The following INTS12 variants were observed in gnomAD, a reference collection of about 807,000 sequenced individuals.
The protein encoded by INTS12 is PHD finger protein 22.
A neutral mutation model predicts 41.6 loss-of-function variants in INTS12; 13 were observed. The observed-to-expected ratio is 0.31, with a 90% confidence interval of 0.20 to 0.50. The LOEUF (loss-of-function observed/expected upper bound fraction) is 0.50. INTS12 is among the 20% of genes least tolerant of loss of function. The pLI, the probability that INTS12 is intolerant of heterozygous loss-of-function variation, is 0.98. For synonymous variants in INTS12, 199 were observed against 191.4 expected, an observed-to-expected ratio of 1.04 and a Z score of -0.33; for missense variants, 432 against 541.6, an observed-to-expected ratio of 0.80 and a Z score of 2.01.
intron 1 of INTS12, among the ~76,000 whole-genome samples, 175 bp from the exon 2 acceptor site, chr4:105,703,984 C>T (rs979659117): frequency 3.9e-5 from 6 of 151,974 alleles, no homozygotes; most frequent in African/African-American, 1.4e-4. Context: ...CCCTCTTGAA[C>T]CTTGGCCTAT....
intron 1 of INTS12, 44 bp downstream of exon 1, chr4:105,708,594 G>A (rs1241701308): frequency 2.0e-5 from 20 of 985,028 alleles, no homozygotes; most frequent in Non-Finnish European, 2.4e-5. Flanking sequence ...CGGGGGTCTC[G>A]AGCCTCCAGG....
At chr4:105,687,349 T>A (rs1370878218) in intron 6 of INTS12, among the ~76,000 whole-genome samples, 1 of 152,134 alleles carries the variant, frequency 6.6e-6, no homozygotes, top group African/African-American at 2.4e-5. Context: ...TTTTTGAGGT[T>A]TTTCCACATT....
chr4:105,688,739 C>T (rs1341925901), intron 6 of INTS12, among the ~76,000 whole-genome samples: 1 of 152,192 alleles, frequency 6.6e-6, no homozygotes, highest in Non-Finnish European at 1.5e-5. Context: ...ACCCACCTAA[C>T]TTGTATGTTT....
chr4:105,686,628 C>T (rs1251627280), intron 7 of INTS12, 64 bp downstream of exon 7: 1 of 1,290,660 alleles, frequency 7.7e-7, no homozygotes, highest in East Asian at 2.4e-5. Flanking sequence ...TTTTATCAAG[C>T]AACTATTTTT....
intron 1 of INTS12, among the ~76,000 whole-genome samples, chr4:105,705,100 T>C (rs1046702921): frequency 2.0e-4 from 31 of 152,344 alleles, no homozygotes; most frequent in African/African-American, 7.2e-4. Flanking sequence ...CTTCAGGCCA[T>C]GCAGCAGGAG....
chr4:105,699,274 C>T (rs1028713893), intron 3 of INTS12, among the ~76,000 whole-genome samples: 5 of 152,150 alleles, frequency 3.3e-5, no homozygotes, highest in Non-Finnish European at 7.4e-5. Flanking sequence ...GATACGTTGT[C>T]TATTATCATC....
intron 7 of INTS12, among the ~76,000 whole-genome samples, chr4:105,684,015 G>C (rs1731417673): frequency 6.6e-6 from 1 of 152,160 alleles, no homozygotes; most frequent in Non-Finnish European, 1.5e-5. Context: ...AAACTATCAT[G>C]TAAGAGTCTC....
intron 3 of INTS12, among the ~76,000 whole-genome samples, chr4:105,696,936 C>T (rs769076212): frequency 6.6e-6 from 1 of 152,004 alleles, no homozygotes; most frequent in Non-Finnish European, 1.5e-5. Flanking sequence ...TTTAAATTTC[C>T]CCAGTAACTA....
intron 2 of INTS12, among the ~76,000 whole-genome samples, chr4:105,701,412 A>G (rs1386282292): frequency 1.3e-5 from 2 of 152,168 alleles, no homozygotes; most frequent in Non-Finnish European, 2.9e-5. Context: ...TATTTCTAAG[A>G]ATTTAACAAA....
intron 6 of INTS12, 42 bp from the exon 7 acceptor site, chr4:105,686,880 T>A (rs1166255856): frequency 6.4e-7 from 1 of 1,557,242 alleles, no homozygotes; most frequent in African/African-American, 1.4e-5. Flanking sequence ...AAATCTTAAC[T>A]GAATATACAG....
Position 105,693,347 on chromosome 4 carries a change from C to T in INTS12, c.449G>A (p.Ser150Asn). The change falls in exon 5 of 8, where the codon AGT becomes AAT. Residue 150 changes from serine to asparagine, a missense_variant. Ser to Asn is a conservative substitution (Grantham distance 46). Around this residue, in one of 3 missense-constraint regions of INTS12, gnomAD observed 168 missense variants for 198.9 expected, o/e 0.84. Transcript: ENST00000340139. ...MADLSSFEET[S>N]ADDFAMEMGL... ...CATCTCCATGGCAAAATCATCAGCA[C>T]TGGTCTCCTCAAAACTGGAAAGGTC... 1 of 1,613,716 alleles carries T rather than the reference C, an allele frequency of 6.2e-7. No individual in the cohort carries two copies. The highest frequency in any genetic ancestry group is 8.5e-7 in the Non-Finnish European group (1 of 1,179,706).
chr4:105,699,721 A>G (rs1425683669), intron 3 of INTS12, 129 bp downstream of exon 3: 2 of 709,136 alleles, frequency 2.8e-6, no homozygotes, highest in African/African-American at 3.6e-5. Context: ...GAAAATAAAG[A>G]ATATAATTTC....
intron 6 of INTS12, among the ~76,000 whole-genome samples, chr4:105,689,905 C>T (rs1220415431): frequency 9.2e-5 from 14 of 151,900 alleles, no homozygotes; most frequent in Admixed American, 9.2e-4. Context: ...GACCCTGTCT[C>T]AGAAAAAGAA....
Position 105,695,560 on chromosome 4 carries a change from T to C in INTS12, c.265A>G (p.Thr89Ala). Residue 89 changes from threonine to alanine, a missense_variant, in exon 4 of 8, where the codon ACT becomes GCT. Coordinates refer to ENST00000340139, the MANE Select transcript of INTS12 (RefSeq NM_020395.4). ...SGNNNGKVLT[T>A]EKVKKEAEKR... is the part of the protein sequence containing the mutation. Reference sequence around the variant, plus strand: ...TCAGCTTCCTTCTTTACCTTTTCAGTTGTGAGGACCTTGCCATTATTATTA... The same window carrying C: ...TCAGCTTCCTTCTTTACCTTTTCAGCTGTGAGGACCTTGCCATTATTATTA... The C allele has an allele frequency of 6.2e-7, 1 of 1,612,692 alleles. No homozygotes were observed. The highest frequency in any genetic ancestry group is 8.5e-7 in the Non-Finnish European group (1 of 1,179,466).
rs1045022908 is a variant in INTS12 at position 105,706,770 on chromosome 4, C to A, written c.-172+1868G>T. Among the ~76,000 whole-genome samples, 6 of 152,252 alleles carry A rather than the reference C, an allele frequency of 3.9e-5. No homozygotes were observed. The East Asian group carries it at 1.2e-3, about 29-fold the overall frequency. ...TCCCTACTCCTTATATTCAAATAAT[C>A]AGAATTCCTGTGGATTCTGACGGCA... On this transcript the variant is annotated intron_variant, in intron 1 of 7. Transcript: ENST00000340139.
rs186506809 is a variant in INTS12 at position 105,697,344 on chromosome 4, G to A, written c.157-1676C>T. 5.4e-3 allele frequency among the ~76,000 whole-genome samples: 825 copies of A among 152,240 alleles called. 3 individuals carry two copies. The highest frequency in any genetic ancestry group is 8.9e-3 in the Non-Finnish European group (606 of 68,018). ...AGCTGAGTGCAGTCTATTTTACTGT[G>A]ATAATATGTAAAAGTACAAAAGTAT... On this transcript the variant is annotated intron_variant, in intron 3 of 7. Coordinates refer to ENST00000340139, the MANE Select transcript of INTS12 (RefSeq NM_020395.4).
At chr4:105,695,878 T>A (rs1731845595) in intron 3 of INTS12, among the ~76,000 whole-genome samples, 1 of 152,200 alleles carries the variant, frequency 6.6e-6, no homozygotes, top group Non-Finnish European at 1.5e-5. Flanking sequence ...GGACAGAGTC[T>A]CACTCTGTTG....
chr4:105,693,214 T>C, intron 5 of INTS12, 85 bp downstream of exon 5: 1 of 1,124,222 alleles, frequency 8.9e-7, no homozygotes, highest in Non-Finnish European at 1.2e-6. Flanking sequence ...CACAACAATT[T>C]TTCTGATTTT....
In INTS12 at chr4:105,682,881, C is replaced by T. The variant is rs1295478966; in HGVS notation, c.1241G>A (p.Gly414Glu). The change falls in exon 8 of 8, where the codon GGA becomes GAA. Residue 414 changes from glycine (G) to glutamate (E), a missense_variant. Gly to Glu is a moderately conservative substitution (Grantham distance 98). Around this residue, in one of 3 missense-constraint regions of INTS12, gnomAD observed 258 missense variants for 309.9 expected, o/e 0.83. Transcript: ENST00000340139. ...NGNSGTSGPSGSTTSKTTSES... is the reference protein window; with the variant it reads ...NGNSGTSGPSESTTSKTTSES... Reference sequence around the variant, plus strand: ...TGAAGTAGTTTTGCTGGTAGTACTTCCACTAGGTCCTGATGTTCCACTATT... The same window carrying T: ...TGAAGTAGTTTTGCTGGTAGTACTTTCACTAGGTCCTGATGTTCCACTATT... 1.2e-6 allele frequency: 2 copies of T among 1,613,944 alleles called. No homozygotes were observed. The highest frequency in any genetic ancestry group is 1.7e-6 in the Non-Finnish European group (2 of 1,179,966).
Sources: gnomAD v4.1 joint callset for allele counts (sites outside exome capture counted in the v4.1 genomes callset) on GRCh38, gnomAD v4.1.1 for gene constraint, gnomAD v4.1.1 regional missense constraint, MANE v1.5 for transcripts, NCBI Gene and HGNC (gene_info 2026-07-23, HGNC 2026-07-21) for gene names.